The following CACNA2D2 variants were observed in gnomAD, a reference collection of about 807,000 sequenced individuals.
CACNA2D2 encodes the protein calcium voltage-gated channel auxiliary subunit alpha2delta 2, also known as voltage-dependent calcium channel subunit alpha-2/delta-2.
Under a neutral mutation model 166.4 loss-of-function variants are expected in CACNA2D2, and 48 were observed. The observed-to-expected ratio is 0.29, with a 90% CI of 0.23 to 0.37. The LOEUF is 0.37. Among genes scored for constraint, CACNA2D2 ranks in the 10% least tolerant of loss-of-function variants. The pLI is 1.00. For missense variants in CACNA2D2, 1,122 were observed against 1,433.0 expected (o/e 0.78, Z 3.50); for synonymous variants, 561 against 573.7 (o/e 0.98, Z 0.32).
chr3:50,382,112 C>T (rs868630206), intron 6 of CACNA2D2, among the ~76,000 whole-genome samples: 62 of 152,244 alleles, frequency 4.1e-4, no homozygotes, highest in Middle Eastern at 6.8e-3. Flanking sequence ...TACCCTCGAC[C>T]CCCAACTCGG....
chr3:50,383,114 GA>G (rs1274536942), intron 6 of CACNA2D2, among the ~76,000 whole-genome samples: 6 of 152,232 alleles, frequency 3.9e-5, no homozygotes, highest in South Asian at 2.1e-4. Flanking sequence ...TGTGGGTAGC[GA>G]GGGGTGACTG....
intron 2 of CACNA2D2, among the ~76,000 whole-genome samples, chr3:50,474,937 C>T (rs920562979): frequency 2.0e-5 from 3 of 152,310 alleles, no homozygotes; most frequent in Middle Eastern, 6.8e-3. Context: ...CATCCAAGCC[C>T]AGCAACCAGG....
chr3:50,450,241 C>T (rs1709034012), intron 2 of CACNA2D2, among the ~76,000 whole-genome samples: 1 of 152,178 alleles, frequency 6.6e-6, no homozygotes, highest in African/African-American at 2.4e-5. Flanking sequence ...ATCGGCCTGG[C>T]TCCCTTTGAG....
rs1705026346 is a variant in CACNA2D2, at chr3:50,376,913, C to T, written c.1626+554G>A. Reference sequence around the variant, plus strand: ...TTTATGATTGTTTTTCACCTTTGGGCCCTTGGCCAGAGAATTCCCTCTGCC... The same window carrying T: ...TTTATGATTGTTTTTCACCTTTGGGTCCTTGGCCAGAGAATTCCCTCTGCC... On this transcript the variant is annotated intron_variant, in intron 17 of 37. Coordinates refer to ENST00000424201, the MANE Select transcript of CACNA2D2 (RefSeq NM_006030.4). This position sits in a 1 kb window ranked among gnomAD's most constrained non-coding sequence, Gnocchi z 4.3. Among the ~76,000 whole-genome samples, 1 of 152,228 alleles carries T rather than the reference C, an allele frequency of 6.6e-6. No homozygotes were observed. Among genetic ancestry groups the T allele is most frequent in the Admixed American group, 6.5e-5 (1 of 15,280 alleles).
At position 50,367,978 on chromosome 3, in the gene CACNA2D2, G is replaced by T. The variant is rs587696482; in HGVS notation, c.2144-76C>A. On this transcript the variant is annotated intron_variant, in intron 24 of 37. Transcript: ENST00000424201. This position sits in a 1 kb window ranked among gnomAD's most constrained non-coding sequence, Gnocchi z 6.5. ...TGCCCACCCTCACCCCCACCCTTAAGGCTCCACCAGGAGCCTCCTCCATGA... is the reference window on the plus strand; with the variant it reads ...TGCCCACCCTCACCCCCACCCTTAATGCTCCACCAGGAGCCTCCTCCATGA... 5.4e-5 allele frequency: 63 copies of T among 1,171,158 alleles called. No homozygotes were observed. Among genetic ancestry groups the T allele is most frequent in the Admixed American group, 1.9e-5 (1 of 53,232 alleles). 72.5% of individuals were successfully genotyped at this position (1,171,158 alleles called of 1,614,324 possible). A position where few individuals can be genotyped will look rare whatever the true frequency, so the allele number is the denominator to read the frequency against.
chr3:50,470,026 C>T (rs757476439), intron 2 of CACNA2D2, among the ~76,000 whole-genome samples: 2 of 152,228 alleles, frequency 1.3e-5, no homozygotes, highest in Non-Finnish European at 2.9e-5. Flanking sequence ...ACAGACCTGC[C>T]CCTCTGTGCC....
chr3:50,401,920 C>T (rs962907040), intron 3 of CACNA2D2, among the ~76,000 whole-genome samples: 4 of 152,006 alleles, frequency 2.6e-5, no homozygotes, highest in African/African-American at 7.3e-5. Flanking sequence ...ACCATGTTGC[C>T]CAGGCTGGTC....
intron 1 of CACNA2D2, among the ~76,000 whole-genome samples, chr3:50,497,540 G>C (rs1461157943): frequency 1.3e-5 from 2 of 152,212 alleles, no homozygotes; most frequent in African/African-American, 4.8e-5. Flanking sequence ...GCACTGTGAG[G>C]GCCCAGGTGA....
At chr3:50,497,278 C>T (rs1698762632) in intron 1 of CACNA2D2, among the ~76,000 whole-genome samples, 1 of 152,224 alleles carries the variant, frequency 6.6e-6, no homozygotes, top group African/African-American at 2.4e-5. Context: ...AACTGAGGCC[C>T]AGGGGGAGGA....
chr3:50,499,340 G>A (rs764830993), intron 1 of CACNA2D2, among the ~76,000 whole-genome samples: 1 of 152,228 alleles, frequency 6.6e-6, no homozygotes, highest in Non-Finnish European at 1.5e-5. Flanking sequence ...GGGTCTCGCA[G>A]TAAGACTGGC....
intron 2 of CACNA2D2, among the ~76,000 whole-genome samples, chr3:50,468,380 A>AGAGTGTGT (rs1491423913): frequency 1.2e-5 from 1 of 83,084 alleles, no homozygotes; most frequent in African/African-American, 4.5e-5. Flanking sequence ...TCATCAGAAT[A>AGAGTGTGT]GTGTGTGTGT....
chr3:50,376,153 C>G lies in CACNA2D2; in HGVS notation c.1662G>C (p.Leu554=), dbSNP rs780781699. Residue 554 remains leucine, a synonymous_variant, in exon 18 of 38, where the codon CTG becomes CTC. Transcript: ENST00000424201. The surrounding 1 kb of genome is among the most constrained non-coding windows in gnomAD (Gnocchi z 4.3). ...GANGYVFAID[L]NGYVLLHPNL... The stretch of plus-strand genomic sequence containing the variant: ...TGGGGTGCAGCAACACGTAGCCGTT[C>G]AGGTCAATGGCAAACACATAGCCGT... 2.0e-5 allele frequency: 33 copies of G among 1,613,442 alleles called. 1 individual carries two copies. In the Middle Eastern group the frequency reaches 4.9e-4, roughly 24 times the overall value.
chr3:50,431,423 A>G (rs1708057908), intron 3 of CACNA2D2, among the ~76,000 whole-genome samples: 1 of 152,126 alleles, frequency 6.6e-6, no homozygotes, highest in Admixed American at 6.5e-5. Flanking sequence ...CTGGGAGGCC[A>G]TGAGCTATGG....
Position 50,477,773 on chromosome 3 carries a change from C to T in CACNA2D2, c.207-1574G>A, listed in dbSNP as rs369937700. ...AGCCCCCCAGCCTCTGGAGGTACCC[C>T]GGGAGCCATGGGGTACAGGAGATTG... On this transcript the variant is annotated intron_variant, in intron 1 of 37. Coordinates refer to ENST00000424201, the MANE Select transcript of CACNA2D2 (RefSeq NM_006030.4). 4.6e-5 allele frequency among the ~76,000 whole-genome samples: 7 copies of T among 152,160 alleles called. No homozygotes were observed. The East Asian group carries it at 5.8e-4, about 13-fold the overall frequency.
chr3:50,482,761 T>C (rs1698107858), intron 1 of CACNA2D2, among the ~76,000 whole-genome samples: 1 of 152,196 alleles, frequency 6.6e-6, no homozygotes, highest in Non-Finnish European at 1.5e-5. Context: ...AGCAGAGACC[T>C]GGTGGGGTGC....
chr3:50,475,991 G>A, intron 2 of CACNA2D2, 127 bp downstream of exon 2: 2 of 761,342 alleles, frequency 2.6e-6, no homozygotes, highest in East Asian at 2.8e-5. Flanking sequence ...TGCCCCCACG[G>A]GCCCATCAGG....
chr3:50,390,874 G>A (rs1425471515), intron 4 of CACNA2D2, among the ~76,000 whole-genome samples: 1 of 152,238 alleles, frequency 6.6e-6, no homozygotes, highest in Non-Finnish European at 1.5e-5. Context: ...GAAGGTGGCT[G>A]CCAAGGCCTG....
At chr3:50,477,334 G>A (rs988877325) in intron 1 of CACNA2D2, among the ~76,000 whole-genome samples, 15 of 152,208 alleles carry the variant, frequency 9.9e-5, no homozygotes, top group African/African-American at 3.4e-4. Flanking sequence ...ATGAGAATAG[G>A]TAAGTCAAGC....
intron 1 of CACNA2D2, among the ~76,000 whole-genome samples, chr3:50,487,648 G>A (rs1264724467): frequency 2.0e-5 from 3 of 152,086 alleles, no homozygotes; most frequent in Admixed American, 6.5e-5. Flanking sequence ...ACAAGCAAGG[G>A]GCTTCTAGTG....
Sources: gnomAD v4.1 joint callset for allele counts (sites outside exome capture counted in the v4.1 genomes callset) on GRCh38, gnomAD v4.1.1 for gene constraint, Gnocchi (gnomAD v3.1) non-coding constraint, MANE v1.5 for transcripts, NCBI Gene and HGNC (gene_info 2026-07-23, HGNC 2026-07-21) for gene names.